Variants in SLC9A7 observed in about 807,000 individuals in gnomAD.
The protein encoded by SLC9A7 is sodium/hydrogen exchanger 7.
SLC9A7 carries 19 observed loss-of-function variants against 52.6 expected under a neutral mutation model. The ratio of observed to expected loss-of-function variants is 0.36; its 90% CI spans 0.25 to 0.53. The LOEUF is 0.53. SLC9A7 is among the 20% of genes least tolerant of loss of function. The pLI is 0.91. For synonymous variants in SLC9A7, 226 were observed against 252.1 expected, an observed-to-expected ratio of 0.90 and a Z score of 0.98; for missense variants, 455 against 597.9, an observed-to-expected ratio of 0.76 and a Z score of 2.49.
chrX:46,727,706 C>T (rs1015505490), intron 1 of SLC9A7, among the ~76,000 whole-genome samples: 5 of 112,092 alleles, frequency 4.5e-5, no homozygotes, highest in African/African-American at 9.7e-5. Context: ...ATTATGATTG[C>T]GCTTGAGTCT....
intron 11 of SLC9A7, 113 bp from the exon 12 acceptor site, chrX:46,643,502 C>T: frequency 1.3e-6 from 1 of 760,347 alleles, no homozygotes; most frequent in Non-Finnish European, 1.9e-6. Context: ...GCTTCAGGGG[C>T]CAAGTTGTTT....
chrX:46,630,514 G>A (rs940876651), intron 14 of SLC9A7, among the ~76,000 whole-genome samples: 1 of 112,037 alleles, frequency 8.9e-6, no homozygotes. Flanking sequence ...AATGCTGAAC[G>A]ACATAGTTAT....
At chrX:46,639,820 A>G (rs1477084858) in intron 12 of SLC9A7, among the ~76,000 whole-genome samples, 4 of 109,904 alleles carry the variant, frequency 3.6e-5, no homozygotes, top group Non-Finnish European at 7.6e-5. Context: ...GGACCAAAAC[A>G]CTTTCAGAAC....
At chrX:46,609,810 T>C (rs1486752777) in intron 16 of SLC9A7, among the ~76,000 whole-genome samples, 2 of 109,232 alleles carry the variant, frequency 1.8e-5, no homozygotes, top group African/African-American at 3.3e-5. Flanking sequence ...AGCGGATCAC[T>C]TGAGGTCAGG....
intron 11 of SLC9A7, among the ~76,000 whole-genome samples, chrX:46,644,817 CACT>C (rs1479943120): frequency 1.8e-5 from 2 of 111,781 alleles, no homozygotes; most frequent in African/African-American, 6.5e-5. Flanking sequence ...CTGAGCACTT[CACT>C]ACAATTCACT....
At chrX:46,726,489 A>G (rs1377645554) in intron 1 of SLC9A7, among the ~76,000 whole-genome samples, 2 of 110,834 alleles carry the variant, frequency 1.8e-5, no homozygotes, top group East Asian at 5.7e-4. Context: ...TCTGTCCTGA[A>G]GGCAGATGAT....
intron 1 of SLC9A7, among the ~76,000 whole-genome samples, chrX:46,757,968 T>C (rs1569527899): frequency 9.0e-6 from 1 of 111,628 alleles, no homozygotes; most frequent in African/African-American, 3.3e-5. Flanking sequence ...CGGAAATGTA[T>C]CTCAAACTCA....
At position 46,669,814 on chromosome X, in the gene SLC9A7, T is replaced by C. The variant is rs895951094; in HGVS notation, c.681-95A>G. 17 of 392,852 alleles carry C rather than the reference T, an allele frequency of 4.3e-5. No individual in the cohort carries two copies. In the African/African-American group the frequency reaches 4.5e-4, roughly 10 times the overall value. 32.4% of individuals were successfully genotyped at this position (392,852 alleles called of 1,213,427 possible). Reference sequence around the variant, plus strand: ...AGCACTAGAATGCTGCTCTTAGAGATTTATGAAAACAACAGGCAGCTGCCA... The same window carrying C: ...AGCACTAGAATGCTGCTCTTAGAGACTTATGAAAACAACAGGCAGCTGCCA... On this transcript the variant is annotated intron_variant, in intron 4 of 16. Transcript: ENST00000616978.
intron 16 of SLC9A7, among the ~76,000 whole-genome samples, chrX:46,609,972 G>A (rs1343892657): frequency 8.9e-6 from 1 of 111,898 alleles, no homozygotes; most frequent in Non-Finnish European, 1.9e-5. Context: ...AGGTTGCAGT[G>A]GGTCAAGATG....
At chrX:46,675,221 A>T (rs1281584595) in intron 3 of SLC9A7, among the ~76,000 whole-genome samples, 1 of 109,559 alleles carries the variant, frequency 9.1e-6, no homozygotes, top group Non-Finnish European at 1.9e-5. Context: ...TCAAAGCTAA[A>T]TCCAATGAGA....
At chrX:46,631,856 G>A (rs1350024962) in intron 13 of SLC9A7, among the ~76,000 whole-genome samples, 4 of 111,613 alleles carry the variant, frequency 3.6e-5, no homozygotes, top group Admixed American at 9.5e-5. Context: ...TCAGAGGGGC[G>A]ATGAATCCCA....
At chrX:46,676,099 TTC>T (rs1379689080) in intron 3 of SLC9A7, among the ~76,000 whole-genome samples, 1 of 111,329 alleles carries the variant, frequency 9.0e-6, no homozygotes, top group Non-Finnish European at 1.9e-5. Context: ...TTTCCCTGAG[TTC>T]TGTGAGCCAC....
chrX:46,690,253 A>T (rs768100841), intron 1 of SLC9A7, among the ~76,000 whole-genome samples: 5 of 112,222 alleles, frequency 4.5e-5, no homozygotes, highest in African/African-American at 1.6e-4. Flanking sequence ...GGTATTGCCA[A>T]TATCTCTCAT....
At chrX:46,705,444 A>G (rs1213753675) in intron 1 of SLC9A7, among the ~76,000 whole-genome samples, 5 of 111,532 alleles carry the variant, frequency 4.5e-5, no homozygotes, top group African/African-American at 1.3e-4. Flanking sequence ...TTAAAATCAC[A>G]CCTCCAATTA....
chrX:46,724,900 G>A (rs1326230802), intron 1 of SLC9A7, among the ~76,000 whole-genome samples: 1 of 111,414 alleles, frequency 9.0e-6, no homozygotes, highest in East Asian at 2.8e-4. Flanking sequence ...ATGAAAACAA[G>A]TCATACAAGC....
intron 15 of SLC9A7, among the ~76,000 whole-genome samples, chrX:46,614,491 T>C (rs1410680267): frequency 2.7e-5 from 3 of 111,841 alleles, no homozygotes; most frequent in African/African-American, 9.8e-5. Flanking sequence ...AGTTGAAGCA[T>C]CTTAAGTTGG....
At chrX:46,704,684 C>T (rs1313481323) in intron 1 of SLC9A7, among the ~76,000 whole-genome samples, 1 of 112,182 alleles carries the variant, frequency 8.9e-6, no homozygotes, top group Non-Finnish European at 1.9e-5. Flanking sequence ...AAACAGAACA[C>T]GGAGTGGAGT....
intron 1 of SLC9A7, among the ~76,000 whole-genome samples, chrX:46,696,217 C>T (rs1288485124): frequency 1.8e-5 from 2 of 110,617 alleles, no homozygotes; most frequent in Non-Finnish European, 3.8e-5. Flanking sequence ...AACTCCTGGC[C>T]TCAGGTGATC....
At chrX:46,656,631 GATGAAATGA>G (rs1311339041) in intron 7 of SLC9A7, among the ~76,000 whole-genome samples, 2 of 112,030 alleles carry the variant, frequency 1.8e-5, no homozygotes, top group Non-Finnish European at 3.8e-5. Flanking sequence ...AGTGATGGAA[GATGAAATGA>G]ATGAAATGAA....
Sources: allele counts gnomAD v4.1 joint callset (sites outside exome capture counted in the v4.1 genomes callset), GRCh38; gene constraint gnomAD v4.1.1; transcripts MANE v1.5; gene names NCBI Gene and HGNC (gene_info 2026-07-23, HGNC 2026-07-21).